MARCHF1: variants seen among roughly 807,000 people sequenced by gnomAD.
MARCHF1 encodes the protein E3 ubiquitin-protein ligase MARCHF1.
MARCHF1 carries 40 observed loss-of-function variants against 54.2 expected under a neutral mutation model. The observed-to-expected ratio is 0.74, with a 90% CI of 0.57 to 0.96. The LOEUF (loss-of-function observed/expected upper bound fraction) is 0.96, where lower values mean the gene tolerates loss of function less well. Among genes scored for constraint, MARCHF1 ranks in the 40% least tolerant of loss-of-function variants. The pLI is 0.00. For synonymous variants in MARCHF1, 236 were observed against 236.3 expected (o/e 1.00, Z 0.01); for missense variants, 586 against 656.5 (o/e 0.89, Z 1.17).
chr4:163,972,116 C>A (rs1356012297), intron 3 of MARCHF1, among the ~76,000 whole-genome samples: 5 of 152,062 alleles, frequency 3.3e-5, no homozygotes, highest in Admixed American at 3.3e-4. Flanking sequence ...CCAAGCGCTG[C>A]ATGTTCTCAC....
At chr4:163,731,085 A>C (rs1398511761) in intron 4 of MARCHF1, among the ~76,000 whole-genome samples, 1 of 152,220 alleles carries the variant, frequency 6.6e-6, no homozygotes, top group Non-Finnish European at 1.5e-5. Context: ...TTCTTAATTC[A>C]TAACTCTGAT....
chr4:164,121,224 T>C (rs1015133547), intron 1 of MARCHF1, among the ~76,000 whole-genome samples: 2 of 151,916 alleles, frequency 1.3e-5, no homozygotes, highest in African/African-American at 4.8e-5. Flanking sequence ...CTAGAAGAAA[T>C]GGACAAATTT....
At position 164,358,020 on chromosome 4, in the gene MARCHF1, A is replaced by G. The variant is rs551167831; in HGVS notation, c.-323+25850T>C. Among the ~76,000 whole-genome samples the G allele has an allele frequency of 7.2e-5, 11 of 152,320 alleles. No homozygotes were observed. In the East Asian group the frequency reaches 2.1e-3, roughly 29 times the overall value. On this transcript the variant is annotated intron_variant, in intron 1 of 9. Transcript: ENST00000514618. ...AAGAGAAGTAAAGGCTGTAGAAATT[A>G]CACACTGGGGCTATTTTTTCCTAAT...
chr4:164,350,549 T>A (rs1327670369), intron 1 of MARCHF1, among the ~76,000 whole-genome samples: 1 of 151,998 alleles, frequency 6.6e-6, no homozygotes, highest in Non-Finnish European at 1.5e-5. Flanking sequence ...AGGTGATGGA[T>A]AAGCTAATTA....
intron 1 of MARCHF1, among the ~76,000 whole-genome samples, chr4:164,356,600 C>G (rs1400108313): frequency 7.6e-6 from 1 of 132,352 alleles, no homozygotes; most frequent in Non-Finnish European, 1.6e-5. Flanking sequence ...GGATCACACT[C>G]TGGGGACTGT....
intron 1 of MARCHF1, among the ~76,000 whole-genome samples, chr4:164,213,376 GGTGCCTGC>G (rs1731835838): frequency 6.6e-6 from 1 of 151,828 alleles, no homozygotes; most frequent in Non-Finnish European, 1.5e-5. Context: ...TGGGACTACA[GGTGCCTGC>G]CACCATGCCC....
intron 8 of MARCHF1, chr4:163,585,541 CA>C: frequency 2.6e-6 from 1 of 388,934 alleles, no homozygotes; most frequent in Non-Finnish European, 4.6e-6. Context: ...ATATATCAAT[CA>C]GAAGCTCTAG....
At chr4:164,055,562 T>C (rs1292552509) in intron 2 of MARCHF1, among the ~76,000 whole-genome samples, 1 of 152,282 alleles carries the variant, frequency 6.6e-6, no homozygotes, top group East Asian at 1.9e-4. Flanking sequence ...AGTTATTATA[T>C]GGATAAAGTA....
intron 1 of MARCHF1, among the ~76,000 whole-genome samples, chr4:164,204,605 C>T (rs977444285): frequency 2.6e-5 from 4 of 152,158 alleles, no homozygotes; most frequent in Non-Finnish European, 5.9e-5. Context: ...GTGTGAAAAA[C>T]TTTGTGCCTA....
chr4:164,069,322 C>T (rs143597333), intron 2 of MARCHF1, among the ~76,000 whole-genome samples: 1,985 of 152,302 alleles, frequency 0.013, 30 homozygotes, highest in African/African-American at 0.042. Context: ...AGCAGGCTGC[C>T]TGAGCCAGCA....
At chr4:164,367,929 A>G (rs1437149039) in intron 1 of MARCHF1, among the ~76,000 whole-genome samples, 2 of 151,944 alleles carry the variant, frequency 1.3e-5, no homozygotes, top group Non-Finnish European at 2.9e-5. Flanking sequence ...CTATATGTAT[A>G]TCAAAATTTG....
rs114042221 is a variant in MARCHF1, at chr4:163,897,438, C to A, written c.-38-43269G>T. On this transcript the variant is annotated intron_variant, in intron 3 of 9. Transcript: ENST00000514618. ...TTTTTCCTAAGCAAAAAGAGCAAAT[C>A]CAGAGGTATCACACTCTCTGACTTC... 3.6e-3 allele frequency among the ~76,000 whole-genome samples: 550 copies of A among 152,202 alleles called. 2 individuals are homozygous for A. The highest frequency in any genetic ancestry group is 9.6e-3 in the Admixed American group (146 of 15,286).
At chr4:164,372,945 T>A (rs1403772822) in intron 1 of MARCHF1, among the ~76,000 whole-genome samples, 1 of 152,136 alleles carries the variant, frequency 6.6e-6, no homozygotes, top group African/African-American at 2.4e-5. Context: ...AGCAAATAAA[T>A]CTTCGCATTT....
chr4:164,069,252 C>T (rs1399536963), intron 2 of MARCHF1, among the ~76,000 whole-genome samples: 11 of 152,298 alleles, frequency 7.2e-5, no homozygotes, highest in South Asian at 4.1e-4. Flanking sequence ...ACAGACCAAT[C>T]GGCTCTCTGT....
chr4:163,871,463 C>T (rs964394184), intron 3 of MARCHF1, among the ~76,000 whole-genome samples: 1 of 152,052 alleles, frequency 6.6e-6, no homozygotes, highest in African/African-American at 2.4e-5. Context: ...ACTAAGTACC[C>T]CCCCACTAAG....
chr4:164,380,450 C>T (rs1386586585), intron 1 of MARCHF1, among the ~76,000 whole-genome samples: 1 of 152,166 alleles, frequency 6.6e-6, no homozygotes, highest in East Asian at 1.9e-4. Context: ...TGTTTACAGA[C>T]TCCGACCCTT....
At chr4:163,807,688 A>G (rs1748264179) in intron 4 of MARCHF1, among the ~76,000 whole-genome samples, 1 of 152,182 alleles carries the variant, frequency 6.6e-6, no homozygotes, top group Admixed American at 6.5e-5. Flanking sequence ...GAAGAAAAGT[A>G]TAATACTTCA....
intron 1 of MARCHF1, among the ~76,000 whole-genome samples, chr4:164,239,788 T>C (rs1732674082): frequency 6.6e-6 from 1 of 152,054 alleles, no homozygotes. Context: ...TGTATGTATA[T>C]GTCATATTCT....
chr4:163,740,857 G>A lies in MARCHF1; in HGVS notation c.112-39994C>T, dbSNP rs114332794. On this transcript the variant is annotated intron_variant, in intron 4 of 9. Coordinates refer to ENST00000514618, the MANE Select transcript of MARCHF1 (RefSeq NM_001394959.1). ...GCTCATAGTTCACAAAAGATACATA[G>A]TGGCAACCACAGGAAAGGACATTTT... 1.3e-3 allele frequency among the ~76,000 whole-genome samples: 191 copies of A among 152,282 alleles called. 1 individual carries two copies. The highest frequency in any genetic ancestry group is 4.5e-3 in the African/African-American group (189 of 41,556).
Sources: gnomAD v4.1 joint callset for allele counts (sites outside exome capture counted in the v4.1 genomes callset) on GRCh38, gnomAD v4.1.1 for gene constraint, MANE v1.5 for transcripts, NCBI Gene and HGNC (gene_info 2026-07-23, HGNC 2026-07-21) for gene names.